Variants in SHROOM3 observed in about 807,000 individuals in gnomAD.
The protein encoded by SHROOM3 is protein Shroom3.
Under a neutral mutation model 138.6 loss-of-function variants are expected in SHROOM3, and 47 were observed. The observed-to-expected ratio is 0.34, with a 90% confidence interval of 0.27 to 0.43. The LOEUF is 0.43. Ranked by LOEUF, SHROOM3 falls within the 20% of genes least tolerant of loss-of-function variation. SHROOM3 has a pLI of 1.00. For missense variants in SHROOM3, 2,491 were observed against 2,596.5 expected, an observed-to-expected ratio of 0.96 and a Z score of 0.88; for synonymous variants, 1,062 against 1,063.3, an observed-to-expected ratio of 1.00 and a Z score of 0.02.
chr4:76,773,231 C>T (rs1007334804), intron 10 of SHROOM3, among the ~76,000 whole-genome samples: 4 of 151,768 alleles, frequency 2.6e-5, no homozygotes, highest in Non-Finnish European at 5.9e-5. Flanking sequence ...AAAAATTAAC[C>T]AGGTGTGTGG....
rs559667555 is a variant in SHROOM3, at chr4:76,608,673, T to TAGCAC, written c.323+52965_323+52969dup. Among the ~76,000 whole-genome samples, 175 of 108,080 alleles carry TAGCAC rather than the reference T, an allele frequency of 1.6e-3. 7 individuals carry two copies. The highest frequency in any genetic ancestry group is 5.7e-3 in the African/African-American group (164 of 28,714). 70.9% of individuals were successfully genotyped at this position (108,080 alleles called of 152,430 possible). On this transcript the variant is annotated intron_variant, in intron 2 of 10. Coordinates refer to ENST00000296043, the MANE Select transcript of SHROOM3 (RefSeq NM_020859.4). ...TAGCATAGCATAGCATAGCACAGCA[T>TAGCAC]AGCACAGCACAGCACAGCACAGCAC...
chr4:76,455,847 G>A lies in SHROOM3; in HGVS notation c.168+19627G>A, dbSNP rs191160146. Among the ~76,000 whole-genome samples the A allele has an allele frequency of 5.9e-5, 9 of 152,056 alleles. No individual in the cohort carries two copies. In the East Asian group the frequency reaches 1.5e-3, roughly 26 times the overall value. The stretch of plus-strand genomic sequence containing the variant: ...GCACCAAGTATTAACTCTTGAAAAC[G>A]TGCATCCCCAGCAACTGTAGTTGTC... On this transcript the variant is annotated intron_variant, in intron 1 of 10. Transcript: ENST00000296043.
chr4:76,451,009 G>C (rs1293559489), intron 1 of SHROOM3, among the ~76,000 whole-genome samples: 3 of 151,524 alleles, frequency 2.0e-5, no homozygotes, highest in Non-Finnish European at 4.4e-5. Flanking sequence ...GGAGTGAAGT[G>C]GCACAATCTT....
intron 2 of SHROOM3, among the ~76,000 whole-genome samples, chr4:76,692,188 A>G (rs1019968074): frequency 6.6e-6 from 1 of 152,222 alleles, no homozygotes; most frequent in Non-Finnish European, 1.5e-5. Flanking sequence ...TGAATGAGCA[A>G]TGCCTCCATT....
chr4:76,671,390 C>T (rs1387481459), intron 2 of SHROOM3, among the ~76,000 whole-genome samples: 3 of 152,196 alleles, frequency 2.0e-5, no homozygotes, highest in Non-Finnish European at 4.4e-5. Context: ...AAACTTCAAA[C>T]TCCTAACCAG....
At chr4:76,514,674 A>G (rs1446343843) in intron 1 of SHROOM3, among the ~76,000 whole-genome samples, 1 of 152,210 alleles carries the variant, frequency 6.6e-6, no homozygotes, top group Admixed American at 6.5e-5. Context: ...TGATATGCGA[A>G]TTACATCTCA....
chr4:76,722,868 A>G (rs1256865699), intron 3 of SHROOM3, among the ~76,000 whole-genome samples: 2 of 152,032 alleles, frequency 1.3e-5, no homozygotes, highest in Non-Finnish European at 2.9e-5. Context: ...ATTGCGCACT[A>G]AACAATAATG....
At chr4:76,770,570 T>G in intron 9 of SHROOM3, 56 bp from the exon 10 acceptor site, 1 of 1,605,678 alleles carries the variant, frequency 6.2e-7, no homozygotes, top group Non-Finnish European at 8.5e-7. Flanking sequence ...AGGTGACTTC[T>G]GCTTCCACTG....
intron 2 of SHROOM3, among the ~76,000 whole-genome samples, chr4:76,619,638 C>T (rs1369027207): frequency 2.0e-5 from 3 of 152,010 alleles, no homozygotes; most frequent in African/African-American, 4.8e-5. Flanking sequence ...TAATGAGAGG[C>T]GAGCTACTGT....
intron 9 of SHROOM3, among the ~76,000 whole-genome samples, 156 bp from the exon 10 acceptor site, chr4:76,770,470 C>T (rs1722324625): frequency 1.3e-5 from 2 of 151,652 alleles, no homozygotes; most frequent in East Asian, 3.9e-4. Context: ...GGAAAGAAGG[C>T]TATTATGGCA....
chr4:76,505,047 T>G (rs1024764235), intron 1 of SHROOM3, among the ~76,000 whole-genome samples: 3 of 152,212 alleles, frequency 2.0e-5, no homozygotes, highest in African/African-American at 7.2e-5. Context: ...ATTTAATGAA[T>G]CCTGGTGCCC....
intron 9 of SHROOM3, among the ~76,000 whole-genome samples, chr4:76,767,108 G>A (rs1722181783): frequency 6.6e-6 from 1 of 152,162 alleles, no homozygotes; most frequent in Admixed American, 6.5e-5. Flanking sequence ...GAAAGATGGG[G>A]TTGACTGGAT....
At chr4:76,459,194 C>T (rs1265715244) in intron 1 of SHROOM3, among the ~76,000 whole-genome samples, 4 of 152,178 alleles carry the variant, frequency 2.6e-5, no homozygotes, top group Non-Finnish European at 4.4e-5. Flanking sequence ...AAAGAAGCAT[C>T]CGTGGCCATC....
At chr4:76,505,822 A>ATTT (rs1732197519) in intron 1 of SHROOM3, among the ~76,000 whole-genome samples, 1 of 151,840 alleles carries the variant, frequency 6.6e-6, no homozygotes, top group Non-Finnish European at 1.5e-5. Context: ...TGCCTGGCTA[A>ATTT]TTTATTATTA....
chr4:76,731,061 T>G (rs895824780), intron 4 of SHROOM3, 126 bp downstream of exon 4: 30 of 1,318,702 alleles, frequency 2.3e-5, no homozygotes, highest in Non-Finnish European at 2.9e-5. Context: ...TAAATCTCTA[T>G]CCACTGCTTT....
chr4:76,736,326 C>G (rs572979734), intron 4 of SHROOM3, among the ~76,000 whole-genome samples: 1 of 152,108 alleles, frequency 6.6e-6, no homozygotes, highest in Non-Finnish European at 1.5e-5. Context: ...CTTCCTTTCT[C>G]CCTTGAATTT....
intron 3 of SHROOM3, among the ~76,000 whole-genome samples, chr4:76,714,912 C>T (rs1253902995): frequency 6.6e-6 from 1 of 152,024 alleles, no homozygotes; most frequent in Non-Finnish European, 1.5e-5. Context: ...CTAGTTTTGG[C>T]CATCGAGAGC....
chr4:76,501,410 G>A (rs1275015570), intron 1 of SHROOM3, among the ~76,000 whole-genome samples: 1 of 152,158 alleles, frequency 6.6e-6, no homozygotes, highest in Non-Finnish European at 1.5e-5. Flanking sequence ...AATTTCCTAA[G>A]CAATAAGGAT....
At chr4:76,570,451 G>A (rs1014175523) in intron 2 of SHROOM3, among the ~76,000 whole-genome samples, 4 of 152,120 alleles carry the variant, frequency 2.6e-5, no homozygotes, top group Non-Finnish European at 5.9e-5. Context: ...AAATCCAGCC[G>A]TGTTTGGATT....
Sources: gnomAD v4.1 joint callset for allele counts (sites outside exome capture counted in the v4.1 genomes callset) on GRCh38, gnomAD v4.1.1 for gene constraint, MANE v1.5 for transcripts, NCBI Gene and HGNC (gene_info 2026-07-23, HGNC 2026-07-21) for gene names.